The following NUP214 variants were observed in gnomAD, a reference collection of about 807,000 sequenced individuals.
NUP214 encodes the protein nucleoporin 214.
NUP214 carries 79 observed loss-of-function variants against 196.2 expected under a neutral mutation model. The ratio of observed to expected loss-of-function variants is 0.40; its 90% CI spans 0.34 to 0.49. NUP214 has a LOEUF of 0.49. NUP214 is among the 20% of genes least tolerant of loss of function. NUP214 has a pLI of 0.58. For missense variants in NUP214, 2,468 were observed against 2,539.0 expected, an observed-to-expected ratio of 0.97 and a Z score of 0.60; for synonymous variants, 1,020 against 990.5, an observed-to-expected ratio of 1.03 and a Z score of -0.56.
intron 30 of NUP214, among the ~76,000 whole-genome samples, chr9:131,214,733 A>G (rs753232826): frequency 1.3e-5 from 2 of 152,256 alleles, no homozygotes; most frequent in Non-Finnish European, 2.9e-5. Flanking sequence ...GCACTGGGAA[A>G]GTCATTATGA....
chr9:131,127,346 G>A (rs1030225327), intron 1 of NUP214, among the ~76,000 whole-genome samples, 178 bp from the exon 2 acceptor site: 1 of 152,134 alleles, frequency 6.6e-6, no homozygotes, highest in Non-Finnish European at 1.5e-5. Context: ...TCGCTGCACT[G>A]CACTCCAGCC....
chr9:131,160,053 T>C (rs1312369051), intron 18 of NUP214, among the ~76,000 whole-genome samples: 1 of 152,118 alleles, frequency 6.6e-6, no homozygotes, highest in Non-Finnish European at 1.5e-5. Flanking sequence ...CAGGAGTGGC[T>C]AAATAAATAT....
At chr9:131,160,220 A>G (rs1276052005) in intron 18 of NUP214, among the ~76,000 whole-genome samples, 1 of 152,196 alleles carries the variant, frequency 6.6e-6, no homozygotes. Flanking sequence ...ATAAAAATTT[A>G]ATAAGTAAAA....
intron 27 of NUP214, among the ~76,000 whole-genome samples, chr9:131,193,698 T>C (rs1833690244): frequency 7.8e-6 from 1 of 128,966 alleles, no homozygotes; most frequent in South Asian, 2.8e-4. Context: ...GTCACCCTGG[T>C]TGGAGCGCAG....
At chr9:131,187,898 C>T (rs1163720911) in intron 25 of NUP214, among the ~76,000 whole-genome samples, 2 of 152,174 alleles carry the variant, frequency 1.3e-5, no homozygotes, top group Admixed American at 1.3e-4. Flanking sequence ...ACATTCTGCA[C>T]CTAGTAATTT....
intron 21 of NUP214, among the ~76,000 whole-genome samples, chr9:131,165,801 T>G (rs1243454286): frequency 1.3e-5 from 2 of 152,212 alleles, no homozygotes; most frequent in African/African-American, 4.8e-5. Flanking sequence ...AAGGAATTTT[T>G]GACACATGTT....
chr9:131,199,043 G>A (rs1265211978), intron 29 of NUP214, 28 bp downstream of exon 29: 1 of 1,551,746 alleles, frequency 6.4e-7, no homozygotes, highest in East Asian at 2.3e-5. Context: ...CTTTTTACTT[G>A]TTTCCCTCTC....
chr9:131,175,665 C>A, intron 23 of NUP214, 44 bp downstream of exon 23: 1 of 1,589,818 alleles, frequency 6.3e-7, no homozygotes, highest in Non-Finnish European at 8.6e-7. Context: ...TGATTATGAG[C>A]TGTCTGAGTC....
rs1176121122 is a variant in NUP214, at chr9:131,222,925, A to G, written c.5897A>G (p.Lys1966Arg). The G allele has an allele frequency of 3.7e-6, 6 of 1,613,910 alleles. No homozygotes were observed. The highest frequency in any genetic ancestry group is 2.2e-5 in the East Asian group (1 of 44,900). The change falls in exon 32 of 36, where the codon AAA becomes AGA. Residue 1966 changes from lysine to arginine, a missense_variant. Physicochemically the swap from Lys to Arg is conservative, Grantham distance 26. Transcript: ENST00000359428. ...GGCTTTGGGTTTTCCTCTCCAAACA[A>G]AACAGGTACTCCTATGTCTATTTGT... is the stretch of plus-strand genomic sequence containing the variant. ...SQGFGFSSPN[K>R]TGGFGAAPVF...
intron 21 of NUP214, among the ~76,000 whole-genome samples, chr9:131,172,568 A>T (rs967588540): frequency 2.0e-5 from 3 of 152,140 alleles, no homozygotes; most frequent in Non-Finnish European, 2.9e-5. Flanking sequence ...TGATGATGGA[A>T]ATGTTCTGTA....
rs1158852823 is a variant in NUP214, at chr9:131,234,155, G to T, written c.*668G>T. 8.6e-6 allele frequency: 2 copies of T among 233,530 alleles called. No individual in the cohort carries two copies. Among genetic ancestry groups the T allele is most frequent in the Non-Finnish European group, 1.7e-5 (2 of 118,412 alleles). 14.5% of individuals were successfully genotyped at this position (233,530 alleles called of 1,614,324 possible). ...CCGGCCTTGGCTCTCATCTCCATGT[G>T]GCTCTTGGGTGCCATGTGTCCTACT... On this transcript the variant is annotated 3_prime_UTR_variant, in exon 36 of 36. Transcript: ENST00000359428.
At chr9:131,206,245 A>G (rs1375981027) in intron 30 of NUP214, among the ~76,000 whole-genome samples, 3 of 146,530 alleles carry the variant, frequency 2.0e-5, no homozygotes, top group African/African-American at 7.6e-5. Flanking sequence ...TCCCAGGCTC[A>G]AGTGATTCTC....
chr9:131,177,373 G>C (rs1833148275), intron 23 of NUP214, among the ~76,000 whole-genome samples: 1 of 152,162 alleles, frequency 6.6e-6, no homozygotes, highest in Non-Finnish European at 1.5e-5. Context: ...CTGAAATCAA[G>C]TTGATCAAGT....
chr9:131,215,148 T>C (rs1834353800), intron 30 of NUP214, 64 bp from the exon 31 acceptor site: 6 of 1,400,998 alleles, frequency 4.3e-6, no homozygotes, highest in Admixed American at 2.7e-5. Context: ...TGCCCACGGA[T>C]GCAGCCTGCC....
At chr9:131,156,130 C>CTT (rs71389397) in intron 17 of NUP214, among the ~76,000 whole-genome samples, 1 of 70,888 alleles carries the variant, frequency 1.4e-5, no homozygotes. Flanking sequence ...GTATTTCTGT[C>CTT]TTTTTTTTTT....
Position 131,164,090 on chromosome 9 carries a change from C to T in NUP214, c.2839C>T (p.Leu947=). Residue 947 remains leucine, a synonymous_variant, in exon 21 of 36, where the codon CTG becomes TTG. Coordinates refer to ENST00000359428, the MANE Select transcript of NUP214 (RefSeq NM_005085.4). ...ACTGTCCCCCATGAAACAGGCACAA[C>T]TGAGAAACTTCTTGGCCAAGAGGAA... ...AKLSPMKQAQ[L]RNFLAKRKTP... The T allele has an allele frequency of 2.5e-6, 4 of 1,614,130 alleles. No homozygotes were observed. The highest frequency in any genetic ancestry group is 3.4e-6 in the Non-Finnish European group (4 of 1,180,026).
At position 131,175,440 on chromosome 9, in the gene NUP214, A is replaced by C. The variant is rs1398687897; in HGVS notation, c.3158-20A>C. 1 of 1,613,726 alleles carries C rather than the reference A, an allele frequency of 6.2e-7. No homozygotes were observed. Among genetic ancestry groups the C allele is most frequent in the Admixed American group, 1.7e-5 (1 of 59,972 alleles). On this transcript the variant is annotated intron_variant, in intron 22 of 35. Transcript: ENST00000359428. ...CCTGTTCTCTCACCCACTCACACTT[A>C]ATTTTTCTTTTCCTCTTAGTGGCTA... is the stretch of plus-strand genomic sequence containing the variant.
intron 26 of NUP214, chr9:131,190,860 T>A (rs1416363017): frequency 1.3e-5 from 2 of 157,286 alleles, no homozygotes; most frequent in African/African-American, 2.4e-5. Flanking sequence ...TGCCCCCTCT[T>A]ACAATAAATG....
At chr9:131,211,760 A>C (rs1223940100) in intron 30 of NUP214, among the ~76,000 whole-genome samples, 7 of 152,148 alleles carry the variant, frequency 4.6e-5, no homozygotes, top group African/African-American at 1.7e-4. Context: ...TCTTTACTTT[A>C]ATCTCTTAAT....
Sources: gnomAD v4.1 joint callset for allele counts (sites outside exome capture counted in the v4.1 genomes callset) on GRCh38, gnomAD v4.1.1 for gene constraint, MANE v1.5 for transcripts, NCBI Gene and HGNC (gene_info 2026-07-23, HGNC 2026-07-21) for gene names.